Variants in ST6GALNAC3 observed in about 807,000 individuals in gnomAD.
ST6GALNAC3 encodes the protein alpha-N-acetylgalactosaminide alpha-2,6-sialyltransferase 3.
In ST6GALNAC3, 25 loss-of-function variants were observed where a neutral mutation model predicts 32.7. That is an observed-to-expected ratio of 0.76 (90% CI 0.56 to 1.07). The LOEUF is 1.07. Among genes scored for constraint, ST6GALNAC3 ranks in the 50% least tolerant of loss-of-function variants. The pLI, the probability that ST6GALNAC3 is intolerant of heterozygous loss-of-function variation, is 0.00. For missense variants in ST6GALNAC3, 355 were observed against 382.4 expected (o/e 0.93, Z 0.60); for synonymous variants, 129 against 133.1 (o/e 0.97, Z 0.21).
intron 3 of ST6GALNAC3, among the ~76,000 whole-genome samples, chr1:76,464,365 A>C (rs1269659151): frequency 2.6e-5 from 4 of 152,204 alleles, no homozygotes; most frequent in African/African-American, 9.6e-5. Flanking sequence ...TGGAAAGCTC[A>C]ATAACTATTT....
chr1:76,594,577 AATAG>A (rs746962199), intron 3 of ST6GALNAC3, among the ~76,000 whole-genome samples: 10 of 152,180 alleles, frequency 6.6e-5, no homozygotes, highest in Non-Finnish European at 1.0e-4. Context: ...ACAATAGATA[AATAG>A]ATGGATGGAT....
chr1:76,629,863 C>T lies in ST6GALNAC3; in HGVS notation c.*1057C>T. The T allele has an allele frequency of 2.0e-6, 2 of 984,502 alleles. No homozygotes were observed. Among genetic ancestry groups the T allele is most frequent in the Non-Finnish European group, 2.4e-6 (2 of 829,242 alleles). The allele number at this position is 984,502 out of a possible 1,614,324, so 61.0% of individuals were successfully genotyped here. On this transcript the variant is annotated 3_prime_UTR_variant, in exon 5 of 5. Transcript: ENST00000328299. ...TTCTCCAAACATTACATTCTCATTG[C>T]CAAGTGCCAGCTGTTACACATGGAG...
intron 1 of ST6GALNAC3, among the ~76,000 whole-genome samples, chr1:76,176,816 G>A (rs1652885642): frequency 6.6e-6 from 1 of 152,184 alleles, no homozygotes; most frequent in African/African-American, 2.4e-5. Context: ...ATTGTTTTAT[G>A]GATGCAGAAT....
At chr1:76,368,215 T>C (rs185949797) in intron 2 of ST6GALNAC3, among the ~76,000 whole-genome samples, 46 of 152,240 alleles carry the variant, frequency 3.0e-4, no homozygotes, top group Admixed American at 2.9e-3. Flanking sequence ...CAAAACCATC[T>C]ATAGGCAATA....
intron 1 of ST6GALNAC3, among the ~76,000 whole-genome samples, chr1:76,082,473 T>TAGCAGCTCTGTAAAGGTTTGTC (rs2100725809): frequency 6.6e-6 from 1 of 152,298 alleles, no homozygotes; most frequent in South Asian, 2.1e-4. Flanking sequence ...CTCTCCTTGT[T>TAGCAGCTCTGTAAAGGTTTGTC]AGCAGCTCTG....
intron 1 of ST6GALNAC3, among the ~76,000 whole-genome samples, chr1:76,195,474 CT>C (rs1441381564): frequency 6.6e-6 from 1 of 152,140 alleles, no homozygotes; most frequent in Non-Finnish European, 1.5e-5. Flanking sequence ...CTTACTTCTC[CT>C]TCAAGGACAT....
At chr1:76,506,234 A>G (rs1661471914) in intron 3 of ST6GALNAC3, among the ~76,000 whole-genome samples, 1 of 152,168 alleles carries the variant, frequency 6.6e-6, no homozygotes, top group African/African-American at 2.4e-5. Flanking sequence ...TTCTGGTACT[A>G]CTGACATACG....
intron 1 of ST6GALNAC3, among the ~76,000 whole-genome samples, chr1:76,146,672 G>A (rs1650702721): frequency 6.6e-6 from 1 of 152,066 alleles, no homozygotes; most frequent in Admixed American, 6.5e-5. Flanking sequence ...GTCCTGCCAG[G>A]TTTTAATAGG....
intron 1 of ST6GALNAC3, among the ~76,000 whole-genome samples, chr1:76,283,538 C>T (rs1414479): frequency 0.48 from 72,383 of 151,896 alleles, 17,530 homozygotes; most frequent in African/African-American, 0.55. Context: ...CACTTGGAAA[C>T]AAGGAATATA....
intron 1 of ST6GALNAC3, among the ~76,000 whole-genome samples, chr1:76,082,434 G>C (rs183154791): frequency 1.7e-4 from 26 of 152,264 alleles, no homozygotes; most frequent in Middle Eastern, 6.8e-3. Flanking sequence ...GAGAAAAAAG[G>C]GGGTGCTAAA....
chr1:76,608,995 T>C (rs971651858), intron 3 of ST6GALNAC3, among the ~76,000 whole-genome samples: 2 of 152,304 alleles, frequency 1.3e-5, no homozygotes, highest in South Asian at 2.1e-4. Context: ...AGGATTATTT[T>C]GGTCCATTGT....
intron 3 of ST6GALNAC3, among the ~76,000 whole-genome samples, chr1:76,499,030 A>G (rs1005658530): frequency 6.6e-6 from 1 of 152,216 alleles, no homozygotes; most frequent in African/African-American, 2.4e-5. Context: ...TTTTCTTAAT[A>G]TATAACAATC....
chr1:76,160,592 G>C (rs532345752), intron 1 of ST6GALNAC3, among the ~76,000 whole-genome samples: 1 of 152,154 alleles, frequency 6.6e-6, no homozygotes, highest in African/African-American at 2.4e-5. Flanking sequence ...ACTCTCTAAC[G>C]GTGTTCTACA....
At chr1:76,579,398 C>T (rs1322639024) in intron 3 of ST6GALNAC3, among the ~76,000 whole-genome samples, 1 of 151,782 alleles carries the variant, frequency 6.6e-6, no homozygotes, top group Admixed American at 6.6e-5. Context: ...TATGTACTTT[C>T]CTAAGATAAA....
At chr1:76,553,101 G>A (rs1013284102) in intron 3 of ST6GALNAC3, among the ~76,000 whole-genome samples, 6 of 152,088 alleles carry the variant, frequency 3.9e-5, no homozygotes, top group African/African-American at 7.2e-5. Flanking sequence ...AATCAATAGT[G>A]TTTCAAAGAA....
At chr1:76,292,470 CT>C (rs1391526440) in intron 1 of ST6GALNAC3, among the ~76,000 whole-genome samples, 2 of 152,118 alleles carry the variant, frequency 1.3e-5, no homozygotes, top group African/African-American at 4.8e-5. Flanking sequence ...CATGAGTCCT[CT>C]TTTTAAAATA....
At chr1:76,413,027 A>G (rs1424773192) in intron 3 of ST6GALNAC3, 1 of 326,722 alleles carries the variant, frequency 3.1e-6, no homozygotes, top group South Asian at 2.6e-5. Context: ...TCATTCAATT[A>G]TCCAAAAACC....
chr1:76,447,671 C>T (rs1045213721), intron 3 of ST6GALNAC3, among the ~76,000 whole-genome samples: 2 of 152,146 alleles, frequency 1.3e-5, no homozygotes, highest in Non-Finnish European at 2.9e-5. Flanking sequence ...TGTGTTCCAG[C>T]TGCTCCAGCA....
intron 3 of ST6GALNAC3, among the ~76,000 whole-genome samples, chr1:76,413,816 G>A (rs776677849): frequency 4.6e-5 from 7 of 152,188 alleles, no homozygotes; most frequent in Admixed American, 1.3e-4. Context: ...ATGGTCATAT[G>A]TCACATTATT....
Sources: allele counts gnomAD v4.1 joint callset (sites outside exome capture counted in the v4.1 genomes callset), GRCh38; gene constraint gnomAD v4.1.1; transcripts MANE v1.5; gene names NCBI Gene and HGNC (gene_info 2026-07-23, HGNC 2026-07-21).